SLC5A5: variants seen among roughly 807,000 people sequenced by gnomAD.
The protein encoded by SLC5A5 is sodium/iodide cotransporter.
SLC5A5 carries 56 observed loss-of-function variants against 68.6 expected under a neutral mutation model. The ratio of observed to expected loss-of-function variants is 0.82; its 90% CI spans 0.66 to 1.02. The LOEUF is 1.02. Ranked by LOEUF, SLC5A5 falls within the 50% of genes least tolerant of loss-of-function variation. The probability of loss-of-function intolerance (pLI) is 0.00; values close to 1 mark genes in which losing one functional copy is unlikely to be tolerated. For synonymous variants in SLC5A5, 398 were observed against 373.0 expected, an observed-to-expected ratio of 1.07 and a Z score of -0.77; for missense variants, 807 against 859.8, an observed-to-expected ratio of 0.94 and a Z score of 0.77.
At position 17,890,940 on chromosome 19, in the gene SLC5A5, G is replaced by A. The variant is rs370961138; in HGVS notation, c.1706G>A (p.Arg569Gln). The A allele has an allele frequency of 2.0e-5, 33 of 1,613,970 alleles. No homozygotes were observed. The highest frequency in any genetic ancestry group is 9.3e-5 in the African/African-American group (7 of 74,908). The change falls in exon 14 of 15, where the codon CGG becomes CAG. Residue 569 changes from arginine (R) to glutamine (Q), a missense_variant. Arg to Gln is a conservative substitution (Grantham distance 43). Transcript: ENST00000222248. ...APGLLWWDLARQTASVAPKEE... is the reference protein window; with the variant it reads ...APGLLWWDLAQQTASVAPKEE... ...GGATTGTTGTGGTGGGACCTCGCACGGCAGACAGCATCAGTGGCCCCCAAG... is the reference window on the plus strand; with the variant it reads ...GGATTGTTGTGGTGGGACCTCGCACAGCAGACAGCATCAGTGGCCCCCAAG...
At chr19:17,883,027 C>T (rs140265799) in intron 10 of SLC5A5, among the ~76,000 whole-genome samples, 2 of 152,032 alleles carry the variant, frequency 1.3e-5, no homozygotes, top group South Asian at 4.2e-4. Flanking sequence ...ACCATGTTGG[C>T]CAGTCTGGTC....
chr19:17,887,172 T>C (rs2029951468), intron 12 of SLC5A5, among the ~76,000 whole-genome samples: 1 of 152,250 alleles, frequency 6.6e-6, no homozygotes. Flanking sequence ...CATATTTTTA[T>C]ATCTTTATGT....
At chr19:17,879,487 G>A (rs1445934485) in intron 7 of SLC5A5, among the ~76,000 whole-genome samples, 1 of 152,134 alleles carries the variant, frequency 6.6e-6, no homozygotes, top group African/African-American at 2.4e-5. Flanking sequence ...TCTGAGAAAG[G>A]CAGGGCAGTC....
At chr19:17,883,640 G>A (rs1252233184) in intron 10 of SLC5A5, 41 bp from the exon 11 acceptor site, 1 of 1,536,160 alleles carries the variant, frequency 6.5e-7, no homozygotes, top group South Asian at 1.1e-5. Context: ...AGAGCGGTGG[G>A]AGGGCTCCGC....
rs756127637 is a variant in SLC5A5 at position 17,884,007 on chromosome 19, C to T, written c.1487C>T (p.Pro496Leu). 3 of 1,572,754 alleles carry T rather than the reference C, an allele frequency of 1.9e-6. No homozygotes were observed. In the South Asian group the frequency reaches 3.5e-5, roughly 18 times the overall value. ...LSVNASGLLDPALLPANDSSR... is the reference protein window; with the variant it reads ...LSVNASGLLDLALLPANDSSR... The stretch of plus-strand genomic sequence containing the variant: ...GTCAACGCCTCTGGCCTCCTGGACC[C>T]GGCTCTCCTCCCTGCTAACGACTCC... Residue 496 changes from proline (P) to leucine (L), a missense_variant, in exon 12 of 15, where the codon CCG becomes CTG. Transcript: ENST00000222248.
At chr19:17,872,786 C>T in intron 1 of SLC5A5, 110 bp downstream of exon 1, 3 of 746,312 alleles carry the variant, frequency 4.0e-6, no homozygotes, top group Non-Finnish European at 7.0e-6. Context: ...GCGGATGGCA[C>T]CTCGGTGCTT....
At chr19:17,883,428 G>A (rs992737050) in intron 10 of SLC5A5, among the ~76,000 whole-genome samples, 2 of 150,472 alleles carry the variant, frequency 1.3e-5, no homozygotes, top group African/African-American at 4.9e-5. Context: ...AAAAAAAGAA[G>A]AAGAAAGGGT....
chr19:17,887,298 C>CT (rs796785096), intron 12 of SLC5A5, among the ~76,000 whole-genome samples: 37 of 151,808 alleles, frequency 2.4e-4, no homozygotes, highest in African/African-American at 6.3e-4. Context: ...GTTTTTAATT[C>CT]TTTTTTTTGG....
intron 13 of SLC5A5, 133 bp downstream of exon 13, chr19:17,888,588 CTTATTATTATTA>C (rs10651875): frequency 8.3e-5 from 39 of 469,488 alleles, no homozygotes; most frequent in Admixed American, 4.7e-4. Flanking sequence ...ACATTTGTAC[CTTATTATTATTA>C]TTATTATTAT....
rs2094295352 is a variant in SLC5A5, at chr19:17,872,077, A to G, written c.-243A>G. 1 of 556,024 alleles carries G rather than the reference A, an allele frequency of 1.8e-6. No individual in the cohort carries two copies. The highest frequency in any genetic ancestry group is 3.2e-6 in the Non-Finnish European group (1 of 312,040). 34.4% of individuals were successfully genotyped at this position (556,024 alleles called of 1,614,324 possible). ...GGAGGTGGCAGGACAGACAGACAGCAGGGGCGGACGCAGAGACAGACAGCG... is the reference window on the plus strand; with the variant it reads ...GGAGGTGGCAGGACAGACAGACAGCGGGGGCGGACGCAGAGACAGACAGCG... On this transcript the variant is annotated 5_prime_UTR_variant, in exon 1 of 15. Transcript: ENST00000222248.
At chr19:17,883,442 C>A (rs534627438) in intron 10 of SLC5A5, among the ~76,000 whole-genome samples, 1 of 151,254 alleles carries the variant, frequency 6.6e-6, no homozygotes, top group East Asian at 1.9e-4. Flanking sequence ...AAAGGGTCTC[C>A]CTGGCTTGAG....
intron 13 of SLC5A5, among the ~76,000 whole-genome samples, chr19:17,889,755 G>C (rs956896992): frequency 6.6e-6 from 1 of 152,080 alleles, no homozygotes; most frequent in African/African-American, 2.4e-5. Flanking sequence ...TCCCCAACAA[G>C]ATTAAGTCCT....
chr19:17,878,375 C>T (rs548869156), intron 7 of SLC5A5, among the ~76,000 whole-genome samples: 1 of 152,032 alleles, frequency 6.6e-6, no homozygotes, highest in South Asian at 2.1e-4. Context: ...CGTGGTGGCA[C>T]GCACCTGTAG....
intron 8 of SLC5A5, among the ~76,000 whole-genome samples, chr19:17,881,278 T>C (rs530007848): frequency 3.9e-5 from 6 of 152,192 alleles, no homozygotes; most frequent in Non-Finnish European, 8.8e-5. Flanking sequence ...TTTTTTTGTT[T>C]TTTTTCCGGA....
intron 4 of SLC5A5, among the ~76,000 whole-genome samples, chr19:17,875,681 G>T (rs2094305300): frequency 6.6e-6 from 1 of 151,670 alleles, no homozygotes; most frequent in African/African-American, 2.4e-5. Context: ...CGGAGGCTGA[G>T]GCAGGAGGAT....
chr19:17,872,154 G>T lies in SLC5A5; in HGVS notation c.-166G>T. On this transcript the variant is annotated 5_prime_UTR_variant, in exon 1 of 15. Transcript: ENST00000222248. ...GACAGCCCATAGATTCCTAACCCAGGGAGCCCCGGCCCCTCTCGCCGCTTC... is the reference window on the plus strand; with the variant it reads ...GACAGCCCATAGATTCCTAACCCAGTGAGCCCCGGCCCCTCTCGCCGCTTC... The T allele has an allele frequency of 3.3e-6, 2 of 603,534 alleles. No individual in the cohort carries two copies. The highest frequency in any genetic ancestry group is 5.9e-6 in the Non-Finnish European group (2 of 341,488). The allele number at this position is 603,534 out of a possible 1,614,324, so 37.4% of individuals were successfully genotyped here.
Position 17,874,121 on chromosome 19 carries a change from C to A in SLC5A5, c.358-17C>A. The stretch of plus-strand genomic sequence containing the variant: ...TGGGTAAGGACTGTCCAGGTGACCT[C>A]GAGTCCCTCCTTGCAGTACCTGGAG... On this transcript the variant is annotated splice_polypyrimidine_tract_variant and intron_variant, in intron 1 of 14. Transcript: ENST00000222248. 2 of 1,597,882 alleles carry A rather than the reference C, an allele frequency of 1.3e-6. No homozygotes were observed. The highest frequency in any genetic ancestry group is 1.7e-6 in the Non-Finnish European group (2 of 1,165,612).
intron 14 of SLC5A5, among the ~76,000 whole-genome samples, chr19:17,893,308 G>A (rs2030271693): frequency 6.6e-6 from 1 of 151,770 alleles, no homozygotes; most frequent in African/African-American, 2.4e-5. Flanking sequence ...TTGCCATATT[G>A]GCCAGGCTGG....
Position 17,872,267 on chromosome 19 carries a change from C to A in SLC5A5, c.-53C>A, listed in dbSNP as rs886054281. 3 of 1,306,498 alleles carry A rather than the reference C, an allele frequency of 2.3e-6. No individual in the cohort carries two copies. The highest frequency in any genetic ancestry group is 2.5e-5 in the South Asian group (2 of 79,092). The allele number at this position is 1,306,498 out of a possible 1,614,324, so 80.9% of individuals were successfully genotyped here. A position where few individuals can be genotyped will look rare whatever the true frequency, so the allele number is the denominator to read the frequency against. ...CTCCTCGGCCCCTGCCAGCTTCCCC[C>A]GCTTGAGCACGCAGGGCGTCCGAGG... On this transcript the variant is annotated 5_prime_UTR_variant, in exon 1 of 15. Transcript: ENST00000222248.
Sources: gnomAD v4.1 joint callset for allele counts (sites outside exome capture counted in the v4.1 genomes callset) on GRCh38, gnomAD v4.1.1 for gene constraint, MANE v1.5 for transcripts, NCBI Gene and HGNC (gene_info 2026-07-23, HGNC 2026-07-21) for gene names.